STAT3: variants seen among roughly 807,000 people sequenced by gnomAD.
STAT3 encodes DNA-binding protein APRF.
Under a neutral mutation model 114.3 loss-of-function variants are expected in STAT3, and 7 were observed. That is an observed-to-expected ratio of 0.06 (90% CI 0.03 to 0.11). STAT3 has a LOEUF of 0.11. Ranked by LOEUF, STAT3 falls within the 10% of genes least tolerant of loss-of-function variation. STAT3 has a pLI of 1.00. For missense variants in STAT3, 364 were observed against 960.9 expected, an observed-to-expected ratio of 0.38 and a Z score of 8.21; for synonymous variants, 331 against 354.5, an observed-to-expected ratio of 0.93 and a Z score of 0.74.
At chr17:42,339,046 G>A (rs2082332018) in intron 5 of STAT3, among the ~76,000 whole-genome samples, 1 of 152,072 alleles carries the variant, frequency 6.6e-6, no homozygotes, top group Non-Finnish European at 1.5e-5. Flanking sequence ...GAGCCCAGGA[G>A]TTCATGATCA....
intron 1 of STAT3, among the ~76,000 whole-genome samples, chr17:42,369,894 A>G (rs2084011778): frequency 6.6e-6 from 1 of 152,072 alleles, no homozygotes; most frequent in Non-Finnish European, 1.5e-5. Flanking sequence ...CCTGGACTCA[A>G]GCGATCCTCC....
At chr17:42,357,061 T>A (rs1052595019) in intron 1 of STAT3, among the ~76,000 whole-genome samples, 1 of 152,178 alleles carries the variant, frequency 6.6e-6, no homozygotes, top group African/African-American at 2.4e-5. Flanking sequence ...GTGCTGGGAT[T>A]ACAGGTGTGA....
At chr17:42,344,391 C>T (rs542826852) in intron 4 of STAT3, among the ~76,000 whole-genome samples, 23 of 147,772 alleles carry the variant, frequency 1.6e-4, no homozygotes, top group African/African-American at 5.5e-4. Context: ...CACTGCACTC[C>T]AGCCTGGCAA....
chr17:42,375,578 C>T (rs1369861198), intron 1 of STAT3, among the ~76,000 whole-genome samples: 1 of 152,088 alleles, frequency 6.6e-6, no homozygotes, highest in Non-Finnish European at 1.5e-5. Flanking sequence ...ACTGTAATCC[C>T]AGTACTTTGG....
chr17:42,323,321 C>T lies in STAT3; in HGVS notation c.1687G>A (p.Val563Ile), dbSNP rs749943696. 3 of 1,614,058 alleles carry T rather than the reference C, an allele frequency of 1.9e-6. No individual in the cohort carries two copies. In the Admixed American group the frequency reaches 5.0e-5, roughly 27 times the overall value. ...NMAGKGFSFW[V>I]WLDNIIDLVK... Reference sequence around the variant, plus strand: ...AGGTCAATGATATTGTCCAGCCAGACCCAGAAGGAGAAGCCCTTGCCAGCC... The same window carrying T: ...AGGTCAATGATATTGTCCAGCCAGATCCAGAAGGAGAAGCCCTTGCCAGCC... The change falls in exon 19 of 24, where the codon GTC (valine) becomes ATC (isoleucine). Residue 563 changes from valine to isoleucine, a missense_variant. Physicochemically the swap from Val to Ile is conservative, Grantham distance 29. Coordinates refer to ENST00000264657, the MANE Select transcript of STAT3 (RefSeq NM_139276.3).
intron 10 of STAT3, 32 bp from the exon 11 acceptor site, chr17:42,331,563 A>G: frequency 6.5e-7 from 1 of 1,549,512 alleles, no homozygotes; most frequent in Non-Finnish European, 8.9e-7. Context: ...AAGGAAAAAA[A>G]GTCAGTAACT....
At chr17:42,354,600 A>G (rs1477559767) in intron 1 of STAT3, among the ~76,000 whole-genome samples, 1 of 149,920 alleles carries the variant, frequency 6.7e-6, no homozygotes, top group Non-Finnish European at 1.5e-5. Context: ...CAAGGTCAGG[A>G]GTTTGAGACC....
Position 42,325,250 on chromosome 17 carries a change from T to G in STAT3, c.1366-189A>C, listed in dbSNP as rs2144720436. The G allele has an allele frequency of 8.4e-6, 5 of 594,774 alleles. No individual in the cohort carries two copies. In the South Asian group the frequency reaches 9.7e-5, roughly 12 times the overall value. The allele number at this position is 594,774 out of a possible 1,614,324, so 36.8% of individuals were successfully genotyped here. A position where few individuals can be genotyped will look rare whatever the true frequency, so the allele number is the denominator to read the frequency against. On this transcript the variant is annotated intron_variant, in intron 15 of 23. Coordinates refer to ENST00000264657, the MANE Select transcript of STAT3 (RefSeq NM_139276.3). The stretch of plus-strand genomic sequence containing the variant: ...CTCATAGTGGAAAGAATGCCCAGCG[T>G]GGCCACACAACTCAGGCTGCAGTCG...
rs1176758623 is a variant in STAT3 at position 42,324,941 on chromosome 17, A to G, written c.1464+22T>C. ...AGTCGCAAGAGATCCCGGGGCACCA[A>G]CTAAAAGGAGGGGGCACTAACCTTG... On this transcript the variant is annotated intron_variant, in intron 16 of 23. Coordinates refer to ENST00000264657, the MANE Select transcript of STAT3 (RefSeq NM_139276.3). This position sits in a 1 kb window ranked among gnomAD's most constrained non-coding sequence, Gnocchi z 4.5. 5 of 1,614,108 alleles carry G rather than the reference A, an allele frequency of 3.1e-6. No homozygotes were observed. The African/African-American group carries it at 6.7e-5, about 22-fold the overall frequency.
At chr17:42,355,070 A>C (rs1282925278) in intron 1 of STAT3, among the ~76,000 whole-genome samples, 1 of 152,194 alleles carries the variant, frequency 6.6e-6, no homozygotes, top group Non-Finnish European at 1.5e-5. Context: ...GTCTAGGAAA[A>C]TCACTGCCAA....
intron 1 of STAT3, among the ~76,000 whole-genome samples, chr17:42,381,625 G>C (rs771388959): frequency 1.3e-5 from 2 of 151,618 alleles, no homozygotes; most frequent in African/African-American, 4.8e-5. Context: ...CCAGCTACTC[G>C]GGAGGCTGAG....
chr17:42,388,269 C>T lies in STAT3; in HGVS notation c.-24+10G>A, dbSNP rs942132035. The T allele has an allele frequency of 6.5e-6, 8 of 1,231,586 alleles. No homozygotes were observed. The highest frequency in any genetic ancestry group is 1.6e-5 in the African/African-American group (1 of 64,406). The allele number at this position is 1,231,586 out of a possible 1,614,324, so 76.3% of individuals were successfully genotyped here. On this transcript the variant is annotated intron_variant, in intron 1 of 23. Transcript: ENST00000264657. Reference sequence around the variant, plus strand: ...GCCTCCCCAACGGCCCCACCCTGCACCCCCTTCACCTGTTTCTCCGGCAGA... The same window carrying T: ...GCCTCCCCAACGGCCCCACCCTGCATCCCCTTCACCTGTTTCTCCGGCAGA...
intron 8 of STAT3, among the ~76,000 whole-genome samples, chr17:42,336,476 T>C (rs1324553599): frequency 1.3e-5 from 2 of 151,920 alleles, no homozygotes; most frequent in African/African-American, 2.4e-5. Context: ...TGCATGCCTG[T>C]AGTCCCAGCT....
At chr17:42,363,881 T>A (rs1408702276) in intron 1 of STAT3, among the ~76,000 whole-genome samples, 4 of 152,172 alleles carry the variant, frequency 2.6e-5, no homozygotes, top group Non-Finnish European at 5.9e-5. Context: ...GGTGGCGTTA[T>A]CCATCCCTTT....
intron 14 of STAT3, 122 bp downstream of exon 14, chr17:42,329,288 T>C: frequency 2.1e-6 from 3 of 1,461,386 alleles, no homozygotes; most frequent in Non-Finnish European, 2.9e-6. Context: ...AGTGACTTTT[T>C]GGAATAACTA....
At chr17:42,385,986 A>G (rs531322324) in intron 1 of STAT3, among the ~76,000 whole-genome samples, 45 of 152,116 alleles carry the variant, frequency 3.0e-4, no homozygotes, top group African/African-American at 9.4e-4. Context: ...ATATGTTAGA[A>G]TTTCACTGAT....
At chr17:42,352,927 CAAAA>C (rs1353081216) in intron 1 of STAT3, among the ~76,000 whole-genome samples, 1 of 152,116 alleles carries the variant, frequency 6.6e-6, no homozygotes, top group African/African-American at 2.4e-5. Flanking sequence ...TAGTGAAAAA[CAAAA>C]GAATGTAAAG....
At chr17:42,380,836 C>CTAGG (rs1283130092) in intron 1 of STAT3, among the ~76,000 whole-genome samples, 2 of 152,104 alleles carry the variant, frequency 1.3e-5, no homozygotes, top group Non-Finnish European at 2.9e-5. Context: ...TCACTTGAGC[C>CTAGG]TAGGAGGTCA....
At position 42,337,586 on chromosome 17, in the gene STAT3, T is replaced by C. The variant is rs1175109539; in HGVS notation, c.646A>G (p.Ser216Gly). 1 of 1,614,070 alleles carries C rather than the reference T, an allele frequency of 6.2e-7. No homozygotes were observed. Among genetic ancestry groups the C allele is most frequent in the Non-Finnish European group, 8.5e-7 (1 of 1,180,048 alleles). Residue 216 changes from serine to glycine, a missense_variant and splice_region_variant, in exon 8 of 24, where the codon AGC (serine) becomes GGC (glycine). By Grantham distance (56) the Ser-to-Gly change is moderately conservative. Coordinates refer to ENST00000264657, the MANE Select transcript of STAT3 (RefSeq NM_139276.3). This position sits in a 1 kb window ranked among gnomAD's most constrained non-coding sequence, Gnocchi z 4.0. Reference protein sequence around the residue: ...MLTALDQMRRSIVSELAGLLS... With the variant: ...MLTALDQMRRGIVSELAGLLS... ...AGCCCCGCCAGCTCACTCACGATGCTCTGGTTGGAAACCAAAACAAAGTCA... is the reference window on the plus strand; with the variant it reads ...AGCCCCGCCAGCTCACTCACGATGCCCTGGTTGGAAACCAAAACAAAGTCA...
Sources: gnomAD v4.1 joint callset for allele counts (sites outside exome capture counted in the v4.1 genomes callset) on GRCh38, gnomAD v4.1.1 for gene constraint, Gnocchi (gnomAD v3.1) non-coding constraint, MANE v1.5 for transcripts, NCBI Gene and HGNC (gene_info 2026-07-23, HGNC 2026-07-21) for gene names.